The following SDK1 variants were observed in gnomAD, a reference collection of about 807,000 sequenced individuals.
SDK1 encodes protein sidekick-1.
Under a neutral mutation model 245.5 loss-of-function variants are expected in SDK1, and 157 were observed. The observed-to-expected ratio is 0.64, with a 90% confidence interval of 0.56 to 0.73. The LOEUF is 0.73. Ranked by LOEUF, SDK1 falls within the 30% of genes least tolerant of loss-of-function variation. SDK1 has a pLI of 0.00. For missense variants in SDK1, 3,583 were observed against 3,002.3 expected, an observed-to-expected ratio of 1.19 and a Z score of -4.52; for synonymous variants, 1,647 against 1,278.5, an observed-to-expected ratio of 1.29 and a Z score of -6.15.
chr7:3,790,345 G>A (rs951016287), intron 4 of SDK1, among the ~76,000 whole-genome samples: 6 of 152,042 alleles, frequency 3.9e-5, no homozygotes, highest in South Asian at 2.1e-4. Context: ...CCCTTTTCCC[G>A]CCCTCCAGTC....
intron 4 of SDK1, among the ~76,000 whole-genome samples, chr7:3,654,559 A>G (rs1783104034): frequency 6.6e-6 from 1 of 152,240 alleles, no homozygotes; most frequent in African/African-American, 2.4e-5. Flanking sequence ...CTACACCATC[A>G]CATGACGCAG....
At chr7:3,549,818 T>C (rs1051445648) in intron 1 of SDK1, among the ~76,000 whole-genome samples, 1 of 152,096 alleles carries the variant, frequency 6.6e-6, no homozygotes, top group African/African-American at 2.4e-5. Flanking sequence ...GCTAATGTGT[T>C]AACAGAGATC....
At chr7:3,828,890 C>T (rs987303347) in intron 5 of SDK1, among the ~76,000 whole-genome samples, 3 of 151,918 alleles carry the variant, frequency 2.0e-5, no homozygotes, top group Non-Finnish European at 4.4e-5. Context: ...CTTCTGGCCT[C>T]AAATAATCCT....
intron 5 of SDK1, among the ~76,000 whole-genome samples, chr7:3,852,496 C>T (rs1314371480): frequency 6.6e-6 from 1 of 151,368 alleles, no homozygotes; most frequent in Admixed American, 6.6e-5. Context: ...ACCTGTAATC[C>T]CAGCACTTTG....
At chr7:3,409,465 G>A (rs1185925714) in intron 1 of SDK1, among the ~76,000 whole-genome samples, 1 of 152,076 alleles carries the variant, frequency 6.6e-6, no homozygotes, top group Non-Finnish European at 1.5e-5. Flanking sequence ...TTCACCCATG[G>A]ACTTTGAAGT....
chr7:3,754,162 G>T (rs1489459913), intron 4 of SDK1, among the ~76,000 whole-genome samples: 1 of 152,150 alleles, frequency 6.6e-6, no homozygotes, highest in East Asian at 1.9e-4. Flanking sequence ...TTTTTATTCA[G>T]CTGAACTGAA....
chr7:3,622,569 A>G (rs6969256), intron 2 of SDK1, among the ~76,000 whole-genome samples: 1 of 152,042 alleles, frequency 6.6e-6, no homozygotes, highest in African/African-American at 2.4e-5. Flanking sequence ...ACCTTTCAGA[A>G]TTATAAGACA....
chr7:3,673,833 C>T (rs934933428), intron 4 of SDK1, among the ~76,000 whole-genome samples: 1 of 152,136 alleles, frequency 6.6e-6, no homozygotes, highest in Non-Finnish European at 1.5e-5. Context: ...AGAATTATAT[C>T]ATAAAACTGA....
At chr7:4,075,238 G>A (rs761922174) in intron 20 of SDK1, among the ~76,000 whole-genome samples, 1 of 152,084 alleles carries the variant, frequency 6.6e-6, no homozygotes, top group Non-Finnish European at 1.5e-5. Context: ...TCCCCACTGC[G>A]TCCGCCCACA....
rs760955060 is a variant in SDK1 at position 3,394,143 on chromosome 7, T to C, written c.298+92259T>C. Among the ~76,000 whole-genome samples, 32 of 151,878 alleles carry C rather than the reference T, an allele frequency of 2.1e-4. 1 individual carries two copies. Among genetic ancestry groups the C allele is most frequent in the Non-Finnish European group, 3.8e-4 (26 of 67,722 alleles). On this transcript the variant is annotated intron_variant, in intron 1 of 44. Transcript: ENST00000404826. ...AACTCTCTGGATTACCAGACAGAGA[T>C]ATTGTTCTCCTCCTTTTCTCCCAAA...
intron 1 of SDK1, among the ~76,000 whole-genome samples, chr7:3,447,172 TA>T (rs544128508): frequency 6.6e-6 from 1 of 152,318 alleles, no homozygotes; most frequent in Non-Finnish European, 1.5e-5. Context: ...TGTCTTAGTA[TA>T]TTAGATATTA....
intron 1 of SDK1, among the ~76,000 whole-genome samples, chr7:3,343,312 G>T (rs1017386500): frequency 1.3e-5 from 2 of 152,144 alleles, no homozygotes. Flanking sequence ...CAGTACTTCT[G>T]TATCATGATT....
intron 5 of SDK1, among the ~76,000 whole-genome samples, chr7:3,828,170 C>G (rs188559361): frequency 6.6e-5 from 10 of 152,096 alleles, no homozygotes; most frequent in African/African-American, 2.2e-4. Flanking sequence ...CCCAGCTACT[C>G]AGGAGGCTGA....
At chr7:3,883,133 C>G (rs1385753182) in intron 5 of SDK1, among the ~76,000 whole-genome samples, 1 of 152,144 alleles carries the variant, frequency 6.6e-6, no homozygotes, top group South Asian at 2.1e-4. Flanking sequence ...GCCTAGAGGT[C>G]TTCTGAGGAT....
At chr7:3,831,438 C>G (rs1333451494) in intron 5 of SDK1, among the ~76,000 whole-genome samples, 2 of 152,112 alleles carry the variant, frequency 1.3e-5, no homozygotes, top group Non-Finnish European at 2.9e-5. Flanking sequence ...CTTCAGAATT[C>G]TTAAGGTTTT....
At chr7:3,491,158 G>T (rs992332264) in intron 1 of SDK1, among the ~76,000 whole-genome samples, 2 of 152,192 alleles carry the variant, frequency 1.3e-5, no homozygotes, top group African/African-American at 4.8e-5. Context: ...CATGGAATTT[G>T]ATTTTACGGA....
At chr7:4,129,432 T>G (rs1173918877) in intron 26 of SDK1, among the ~76,000 whole-genome samples, 1 of 151,154 alleles carries the variant, frequency 6.6e-6, no homozygotes, top group Non-Finnish European at 1.5e-5. Context: ...GTGGGGTACC[T>G]ACAGCATGCA....
At chr7:3,674,921 G>T (rs534281876) in intron 4 of SDK1, among the ~76,000 whole-genome samples, 31 of 152,298 alleles carry the variant, frequency 2.0e-4, no homozygotes, top group Middle Eastern at 3.4e-3. Context: ...GGAGTAGAGG[G>T]CATTTGGTAT....
chr7:3,503,793 C>T (rs149820131), intron 1 of SDK1, among the ~76,000 whole-genome samples: 68 of 151,976 alleles, frequency 4.5e-4, no homozygotes, highest in African/African-American at 1.3e-3. Context: ...ATTGTTAAAT[C>T]GAAGATGTAA....
Sources: allele counts gnomAD v4.1 joint callset (sites outside exome capture counted in the v4.1 genomes callset), GRCh38; gene constraint gnomAD v4.1.1; transcripts MANE v1.5; gene names NCBI Gene and HGNC (gene_info 2026-07-23, HGNC 2026-07-21).